RNF130: variants seen among roughly 807,000 people sequenced by gnomAD.
RNF130 encodes E3 ubiquitin-protein ligase RNF130.
A neutral mutation model predicts 44.6 loss-of-function variants in RNF130; 21 were observed. That is an observed-to-expected ratio of 0.47 (90% CI 0.33 to 0.68). The LOEUF is 0.68. RNF130 is among the 30% of genes least tolerant of loss of function. The pLI, the probability that RNF130 is intolerant of heterozygous loss-of-function variation, is 0.02. For synonymous variants in RNF130, 214 were observed against 210.4 expected, an observed-to-expected ratio of 1.02 and a Z score of -0.15; for missense variants, 479 against 560.6, an observed-to-expected ratio of 0.85 and a Z score of 1.47.
chr5:180,013,850 C>A (rs762199214), intron 2 of RNF130, among the ~76,000 whole-genome samples: 1 of 152,198 alleles, frequency 6.6e-6, no homozygotes, highest in African/African-American at 2.4e-5. Context: ...AAAACAAGTA[C>A]AGGATACCAA....
chr5:180,010,010 G>A (rs1763551273), intron 3 of RNF130, among the ~76,000 whole-genome samples: 1 of 152,128 alleles, frequency 6.6e-6, no homozygotes, highest in Non-Finnish European at 1.5e-5. Flanking sequence ...CACTTTGGGA[G>A]GCTGAGGTGG....
chr5:179,983,395 G>C (rs983099196), intron 3 of RNF130, among the ~76,000 whole-genome samples: 1 of 146,686 alleles, frequency 6.8e-6, no homozygotes, highest in Non-Finnish European at 1.5e-5. Context: ...TTGTTGAAAA[G>C]GTTGTCCATT....
intron 3 of RNF130, among the ~76,000 whole-genome samples, chr5:179,999,783 C>T (rs1416337579): frequency 5.3e-5 from 8 of 152,130 alleles, no homozygotes; most frequent in Admixed American, 2.6e-4. Flanking sequence ...AATTGTGTCA[C>T]GGTTTTTAAA....
intron 3 of RNF130, among the ~76,000 whole-genome samples, chr5:180,011,006 C>A (rs1763582395): frequency 6.6e-6 from 1 of 152,120 alleles, no homozygotes; most frequent in Admixed American, 6.5e-5. Context: ...CATGTTGTTA[C>A]CACAAGGAGA....
chr5:179,980,334 T>G (rs1476279545), intron 3 of RNF130, 134 bp from the exon 4 acceptor site: 1 of 733,234 alleles, frequency 1.4e-6, no homozygotes, highest in Non-Finnish European at 2.2e-6. Context: ...AAGAGAATGA[T>G]AAAATAGAAA....
chr5:179,986,437 C>T (rs764135483), intron 3 of RNF130, among the ~76,000 whole-genome samples: 2 of 152,186 alleles, frequency 1.3e-5, no homozygotes, highest in African/African-American at 2.4e-5. Flanking sequence ...GTGTAATATT[C>T]AAGATTCATG....
chr5:179,928,630 TG>T (rs1375940786), intron 7 of RNF130, among the ~76,000 whole-genome samples: 4 of 119,390 alleles, frequency 3.4e-5, no homozygotes, highest in African/African-American at 4.2e-5. Flanking sequence ...TAATTGTTGT[TG>T]TTTTTTTTTT....
At chr5:179,974,340 G>A (rs368563163) in intron 5 of RNF130, among the ~76,000 whole-genome samples, 30 of 152,200 alleles carry the variant, frequency 2.0e-4, no homozygotes, top group African/African-American at 5.6e-4. Context: ...TCCGATGGCC[G>A]ACCTTTAAGA....
intron 1 of RNF130, among the ~76,000 whole-genome samples, chr5:180,067,055 C>G (rs1765124713): frequency 6.6e-6 from 1 of 151,968 alleles, no homozygotes; most frequent in Non-Finnish European, 1.5e-5. Context: ...ACATGTCTTA[C>G]CAATTTACAG....
In RNF130 at chr5:180,061,291, C is replaced by T. The variant is rs1008469373; in HGVS notation, c.247+10165G>A. ...TTTTGGAAAAAACCACAACAACTGA[C>T]GTGACTTCAGGCACATCCAGAAGGA... On this transcript the variant is annotated intron_variant, in intron 1 of 8. Coordinates refer to ENST00000521389, the MANE Select transcript of RNF130 (RefSeq NM_018434.6). Among the ~76,000 whole-genome samples, 35 of 152,228 alleles carry T rather than the reference C, an allele frequency of 2.3e-4. 1 individual carries two copies. The highest frequency in any genetic ancestry group is 7.9e-4 in the African/African-American group (33 of 41,532).
chr5:179,949,839 C>T, intron 7 of RNF130, among the ~76,000 whole-genome samples: 1 of 152,212 alleles, frequency 6.6e-6, no homozygotes, highest in South Asian at 2.1e-4. Flanking sequence ...CCCCTCAGAT[C>T]ACCACCCCTC....
In RNF130 at chr5:179,930,203, A is replaced by G. The variant is rs12108932; in HGVS notation, c.1151-9777T>C. The stretch of plus-strand genomic sequence containing the variant: ...CTCCCGAGTAGCTGGGATTACAGGC[A>G]TCTGCCACCACACCCGGCTAATTTT... On this transcript the variant is annotated intron_variant, in intron 7 of 7. Coordinates refer to the RNF130 transcript ENST00000522208. Among the ~76,000 whole-genome samples the G allele has an allele frequency of 7.9e-3, 1,207 of 152,076 alleles. 11 individuals are homozygous for G. The highest frequency in any genetic ancestry group is 0.028 in the African/African-American group (1,148 of 41,488).
chr5:180,026,895 T>C (rs920428198), intron 2 of RNF130, among the ~76,000 whole-genome samples: 1 of 152,180 alleles, frequency 6.6e-6, no homozygotes, highest in Non-Finnish European at 1.5e-5. Context: ...TTTTCCTTAC[T>C]GCCAGTCCAG....
intron 3 of RNF130, among the ~76,000 whole-genome samples, chr5:179,983,245 C>T (rs1251540544): frequency 3.9e-5 from 6 of 151,984 alleles, no homozygotes; most frequent in Non-Finnish European, 8.8e-5. Flanking sequence ...CAAAGACTTC[C>T]CCGTTTTCTC....
At chr5:179,978,145 A>G (rs559718367) in intron 5 of RNF130, 58 bp downstream of exon 5, 1 of 1,408,516 alleles carries the variant, frequency 7.1e-7, no homozygotes, top group South Asian at 1.2e-5. Flanking sequence ...CACCCTGAAA[A>G]GGAGGCATAC....
At chr5:179,922,577 G>A (rs1761650545) in intron 7 of RNF130, among the ~76,000 whole-genome samples, 1 of 151,802 alleles carries the variant, frequency 6.6e-6, no homozygotes. Context: ...CCAAAGTGCT[G>A]GGATTATAGG....
At position 180,029,325 on chromosome 5, in the gene RNF130, GT is replaced by G. The variant is rs1764068618; in HGVS notation, c.442+11127del. ...AAATTGGATGAAGTATTTCAATAAT[GT>G]TTTTCTAAGGTGATGAATATGTGAC... On this transcript the variant is annotated intron_variant, in intron 2 of 8. Transcript: ENST00000521389. Among the ~76,000 whole-genome samples, 5 of 152,164 alleles carry G rather than the reference GT, an allele frequency of 3.3e-5. No individual in the cohort carries two copies. In the South Asian group the frequency reaches 8.3e-4, roughly 25 times the overall value.
intron 7 of RNF130, among the ~76,000 whole-genome samples, chr5:179,938,717 TATTA>T (rs1761932497): frequency 6.6e-6 from 1 of 152,186 alleles, no homozygotes; most frequent in Non-Finnish European, 1.5e-5. Context: ...CCTTAATTTA[TATTA>T]AACCAGAAAT....
chr5:180,021,113 G>A (rs1474678689), intron 2 of RNF130, among the ~76,000 whole-genome samples: 2 of 151,872 alleles, frequency 1.3e-5, no homozygotes, highest in Non-Finnish European at 2.9e-5. Context: ...TGTCAGACAC[G>A]TACCACCAAA....
Sources: allele counts gnomAD v4.1 joint callset (sites outside exome capture counted in the v4.1 genomes callset), GRCh38; gene constraint gnomAD v4.1.1; transcripts MANE v1.5; gene names NCBI Gene and HGNC (gene_info 2026-07-23, HGNC 2026-07-21).